EMCN: variants seen among roughly 807,000 people sequenced by gnomAD.
EMCN encodes the protein MUC-14.
A neutral mutation model predicts 38.4 loss-of-function variants in EMCN; 37 were observed. The observed-to-expected ratio is 0.96, with a 90% CI of 0.74 to 1.27. The LOEUF (loss-of-function observed/expected upper bound fraction) is 1.27, where lower values mean the gene tolerates loss of function less well. Ranked by LOEUF, EMCN falls within the 50% of genes most tolerant of loss-of-function variation. The pLI is 0.00. For missense variants in EMCN, 318 were observed against 302.8 expected, an observed-to-expected ratio of 1.05 and a Z score of -0.37; for synonymous variants, 95 against 100.8, an observed-to-expected ratio of 0.94 and a Z score of 0.35.
At chr4:100,474,368 A>G (rs535257574) in intron 3 of EMCN, among the ~76,000 whole-genome samples, 43 of 152,358 alleles carry the variant, frequency 2.8e-4, no homozygotes, top group African/African-American at 9.9e-4. Flanking sequence ...AGTGTTAGCT[A>G]GAATATAGAG....
chr4:100,419,667 A>T lies in EMCN; in HGVS notation c.664+1615T>A, dbSNP rs1375077554. Among the ~76,000 whole-genome samples, 5 of 152,122 alleles carry T rather than the reference A, an allele frequency of 3.3e-5. No individual in the cohort carries two copies. The East Asian group carries it at 7.7e-4, about 23-fold the overall frequency. On this transcript the variant is annotated intron_variant, in intron 8 of 11. Transcript: ENST00000296420. Reference sequence around the variant, plus strand: ...AGGCTGATTTTCAGTAAAAGACAGGATTGGTAGGTAGTTCAGAAACTTAGA... The same window carrying T: ...AGGCTGATTTTCAGTAAAAGACAGGTTTGGTAGGTAGTTCAGAAACTTAGA...
chr4:100,481,849 CCTTCCTTCCTTT>C (rs1728813406), intron 1 of EMCN, among the ~76,000 whole-genome samples: 1 of 151,216 alleles, frequency 6.6e-6, no homozygotes. Flanking sequence ...TGTTTTCCTT[CCTTCCTTCCTTT>C]CTTCCTTCCT....
intron 1 of EMCN, among the ~76,000 whole-genome samples, chr4:100,513,378 T>C (rs1484083616): frequency 6.6e-6 from 1 of 152,184 alleles, no homozygotes; most frequent in East Asian, 1.9e-4. Context: ...GCAACTCACG[T>C]TACCTGTAAT....
At chr4:100,427,537 T>A (rs1241545379) in intron 5 of EMCN, among the ~76,000 whole-genome samples, 1 of 150,550 alleles carries the variant, frequency 6.6e-6, no homozygotes, top group Admixed American at 6.7e-5. Context: ...TCTTCCCACC[T>A]CAGCCTCTCA....
intron 4 of EMCN, among the ~76,000 whole-genome samples, chr4:100,448,529 C>A (rs1459567878): frequency 6.6e-6 from 1 of 152,166 alleles, no homozygotes; most frequent in Non-Finnish European, 1.5e-5. Context: ...GTTTCTCACC[C>A]TTATCAGCTC....
chr4:100,473,777 G>A (rs1282512594), intron 3 of EMCN: 1 of 152,452 alleles, frequency 6.6e-6, no homozygotes, highest in Admixed American at 6.5e-5. Context: ...GGAAAGCTGG[G>A]AAAATCTCGC....
intron 3 of EMCN, among the ~76,000 whole-genome samples, chr4:100,468,287 C>A (rs1310789910): frequency 6.6e-6 from 1 of 152,106 alleles, no homozygotes; most frequent in Non-Finnish European, 1.5e-5. Flanking sequence ...TTATAATGAT[C>A]TTGGAATTGT....
intron 5 of EMCN, among the ~76,000 whole-genome samples, chr4:100,428,004 A>G (rs1727097659): frequency 6.6e-6 from 1 of 151,954 alleles, no homozygotes; most frequent in South Asian, 2.1e-4. Flanking sequence ...ATTTTGTGCC[A>G]TCTACTCTGT....
intron 4 of EMCN, among the ~76,000 whole-genome samples, chr4:100,449,720 G>T (rs764654164): frequency 4.0e-5 from 6 of 151,876 alleles, no homozygotes; most frequent in Non-Finnish European, 8.8e-5. Context: ...TAATTCTAGA[G>T]GAACATAATA....
At chr4:100,496,888 A>C (rs552085144) in intron 1 of EMCN, among the ~76,000 whole-genome samples, 1 of 152,318 alleles carries the variant, frequency 6.6e-6, no homozygotes, top group South Asian at 2.1e-4. Context: ...AAAGCTTTTT[A>C]AGGTCTCCAA....
At chr4:100,460,326 A>T (rs966629530) in intron 4 of EMCN, among the ~76,000 whole-genome samples, 2 of 151,932 alleles carry the variant, frequency 1.3e-5, no homozygotes, top group East Asian at 3.9e-4. Context: ...TTGTATGTTA[A>T]CCTCTTAACA....
At chr4:100,417,260 G>T in intron 8 of EMCN, 119 bp from the exon 9 acceptor site, 1 of 913,940 alleles carries the variant, frequency 1.1e-6, no homozygotes, top group Non-Finnish European at 1.8e-6. Flanking sequence ...ATGTTTCTAA[G>T]TCATTTTAAA....
intron 1 of EMCN, among the ~76,000 whole-genome samples, chr4:100,497,147 T>C (rs1401338947): frequency 6.6e-6 from 1 of 151,312 alleles, no homozygotes; most frequent in East Asian, 1.9e-4. Context: ...CTAAAGTCCC[T>C]ATGACAAGAA....
chr4:100,398,019 G>A lies in EMCN; in HGVS notation c.*394C>T, dbSNP rs1726159407. ...TAATATAAGAACACTGAGAAAAGTA[G>A]GAAAGTCTTCATGGATAAAAATTCT... On this transcript the variant is annotated 3_prime_UTR_variant, in exon 12 of 12. Transcript: ENST00000296420. 6.6e-6 allele frequency: 1 copy of A among 151,750 alleles called. No homozygotes were observed. Among genetic ancestry groups the A allele is most frequent in the African/African-American group, 2.4e-5 (1 of 41,304 alleles). The allele number at this position is 151,750 out of a possible 1,614,324, so 9.4% of individuals were successfully genotyped here. A position where few individuals can be genotyped will look rare whatever the true frequency, so the allele number is the denominator to read the frequency against.
chr4:100,473,663 T>A (rs938471336), intron 3 of EMCN, among the ~76,000 whole-genome samples: 4 of 152,068 alleles, frequency 2.6e-5, no homozygotes, highest in Non-Finnish European at 5.9e-5. Flanking sequence ...ACAATGACCA[T>A]TTGAGAGCAA....
chr4:100,408,363 A>G (rs991222269), intron 11 of EMCN, among the ~76,000 whole-genome samples: 1 of 152,110 alleles, frequency 6.6e-6, no homozygotes, highest in African/African-American at 2.4e-5. Flanking sequence ...TGTTTCTTTA[A>G]TTGCAGTGTA....
At chr4:100,472,913 A>G (rs1228475881) in intron 3 of EMCN, among the ~76,000 whole-genome samples, 1 of 150,414 alleles carries the variant, frequency 6.6e-6, no homozygotes, top group Admixed American at 6.6e-5. Flanking sequence ...AAATGTGGTT[A>G]TGTTTTATAG....
intron 1 of EMCN, among the ~76,000 whole-genome samples, chr4:100,512,833 CT>C (rs1729662997): frequency 6.6e-6 from 1 of 151,340 alleles, no homozygotes; most frequent in Non-Finnish European, 1.5e-5. Context: ...AATTCCTACT[CT>C]GACATTCAGT....
chr4:100,495,571 A>C (rs1729187688), intron 1 of EMCN, among the ~76,000 whole-genome samples: 1 of 152,114 alleles, frequency 6.6e-6, no homozygotes, highest in African/African-American at 2.4e-5. Flanking sequence ...AGAACAATTA[A>C]ATTTACTTTC....
Sources: gnomAD v4.1 joint callset for allele counts (sites outside exome capture counted in the v4.1 genomes callset) on GRCh38, gnomAD v4.1.1 for gene constraint, MANE v1.5 for transcripts, NCBI Gene and HGNC (gene_info 2026-07-23, HGNC 2026-07-21) for gene names.